Variants in ABCA6 observed in about 807,000 individuals in gnomAD.
ABCA6 encodes ATP-binding cassette sub-family A member 6.
Under a neutral mutation model 191.2 loss-of-function variants are expected in ABCA6, and 164 were observed. The observed-to-expected ratio is 0.86, with a 90% CI of 0.76 to 0.98. ABCA6 has a LOEUF of 0.98. ABCA6 is among the 50% of genes least tolerant of loss of function. ABCA6 has a pLI of 0.00. For missense variants in ABCA6, 1,958 were observed against 1,894.1 expected (o/e 1.03, Z -0.63); for synonymous variants, 636 against 647.7 (o/e 0.98, Z 0.27).
At chr17:69,111,128 T>C (rs2073414526) in intron 16 of ABCA6, 188 bp from the exon 17 acceptor site, 1 of 486,556 alleles carries the variant, frequency 2.1e-6, no homozygotes, top group Non-Finnish European at 3.5e-6. Context: ...ATGGAAAATG[T>C]ATAAGCTCAG....
In ABCA6 at chr17:69,106,066, G is replaced by A; in HGVS notation, c.2535C>T (p.Phe845=). 6.2e-7 allele frequency: 1 copy of A among 1,613,012 alleles called. No homozygotes were observed. Among genetic ancestry groups the A allele is most frequent in the Non-Finnish European group, 8.5e-7 (1 of 1,179,470 alleles). ...CTTTAGTTTGACGTTTTAACTTTAA[G>A]AAACGGAGCCGTGCCATGGCAAAGA... ...MQVFAMARLR[F]LKLKRQTKVL... The change falls in exon 19 of 39, where the codon TTC becomes TTT. Residue 845 remains phenylalanine, a synonymous_variant. Coordinates refer to ENST00000284425, the MANE Select transcript of ABCA6 (RefSeq NM_080284.3).
At chr17:69,110,571 C>T (rs984687094) in intron 17 of ABCA6, 17 of 425,936 alleles carry the variant, frequency 4.0e-5, no homozygotes, top group Middle Eastern at 6.2e-4. Context: ...AGAATTCAGA[C>T]TTCCCTGGCT....
chr17:69,130,934 C>A (rs1018420691), intron 6 of ABCA6, among the ~76,000 whole-genome samples: 1 of 152,118 alleles, frequency 6.6e-6, no homozygotes, highest in Admixed American at 6.6e-5. Context: ...GTATGCTGCA[C>A]CCTTAAATAT....
At chr17:69,113,435 A>G (rs1463866328) in intron 14 of ABCA6, 75 bp from the exon 15 acceptor site, 7 of 1,521,890 alleles carry the variant, frequency 4.6e-6, no homozygotes, top group Non-Finnish European at 6.2e-6. Context: ...ATGAAAAACA[A>G]TAAATACCAT....
chr17:69,141,681 G>A (rs936220723), intron 1 of ABCA6, 64 bp downstream of exon 1: 1 of 152,012 alleles, frequency 6.6e-6, no homozygotes, highest in Non-Finnish European at 1.5e-5. Flanking sequence ...CTGAAAAATA[G>A]ATTGATTTTA....
chr17:69,102,793 G>C, intron 21 of ABCA6, 42 bp downstream of exon 21: 1 of 1,544,162 alleles, frequency 6.5e-7, no homozygotes, highest in South Asian at 1.3e-5. Context: ...CTAAAATGTA[G>C]TACTTTTTGT....
chr17:69,084,588 G>A (rs1448047691), intron 32 of ABCA6, 81 bp from the exon 33 acceptor site: 1 of 1,233,238 alleles, frequency 8.1e-7, no homozygotes, highest in Admixed American at 1.8e-5. Flanking sequence ...AACAGCATTA[G>A]AGGGAAGTTT....
At chr17:69,083,068 G>A (rs2072681522) in intron 35 of ABCA6, 55 bp from the exon 36 acceptor site, 2 of 1,598,064 alleles carry the variant, frequency 1.3e-6, no homozygotes, top group Non-Finnish European at 8.5e-7. Flanking sequence ...ATTTTTTAAT[G>A]TTATTCTTAA....
intron 5 of ABCA6, 101 bp downstream of exon 5, chr17:69,134,538 A>T (rs1214205197): frequency 3.8e-6 from 3 of 790,986 alleles, no homozygotes; most frequent in Non-Finnish European, 6.2e-6. Flanking sequence ...ATTTTGTTGT[A>T]GCAGTACAAA....
intron 27 of ABCA6, among the ~76,000 whole-genome samples, chr17:69,088,614 T>C (rs7209351): frequency 0.81 from 123,720 of 152,086 alleles, 52,639 homozygotes; most frequent in Non-Finnish European, 0.94. Context: ...GCCCCTCTTG[T>C]TCTAAACATC....
At position 69,108,162 on chromosome 17, in the gene ABCA6, T is replaced by C. The variant is rs968801824; in HGVS notation, c.2273-350A>G. On this transcript the variant is annotated intron_variant, in intron 17 of 38. Coordinates refer to ENST00000284425, the MANE Select transcript of ABCA6 (RefSeq NM_080284.3). ...CTACCTATATTCTGGGTCTTCTCTC[T>C]GTATAAGTCTTTCAATGCTTTCTCA... 10 of 193,754 alleles carry C rather than the reference T, an allele frequency of 5.2e-5. 1 individual carries two copies. In the South Asian group the frequency reaches 1.0e-3, roughly 20 times the overall value. The allele number at this position is 193,754 out of a possible 1,614,324, so 12.0% of individuals were successfully genotyped here.
chr17:69,102,664 G>C (rs972463115), intron 21 of ABCA6, among the ~76,000 whole-genome samples, 171 bp downstream of exon 21: 4 of 151,992 alleles, frequency 2.6e-5, no homozygotes, highest in Non-Finnish European at 5.9e-5. Flanking sequence ...ACAAAACTAA[G>C]ATAGAAAATG....
chr17:69,131,999 C>T (rs1417651980), intron 6 of ABCA6, among the ~76,000 whole-genome samples: 1 of 152,102 alleles, frequency 6.6e-6, no homozygotes, highest in Non-Finnish European at 1.5e-5. Context: ...TCCCAAAGTT[C>T]CACTGCAAAA....
At position 69,085,017 on chromosome 17, in the gene ABCA6, C is replaced by T. The variant is rs537077875; in HGVS notation, c.4184+11G>A. 159 of 1,580,526 alleles carry T rather than the reference C, an allele frequency of 1.0e-4. No homozygotes were observed. The South Asian group carries it at 1.8e-3, about 18-fold the overall frequency. ...ATTCTGACACAAAGGAATCGCAGGT[C>T]CCGTCTGTACCTTGCGATGGCGAGC... On this transcript the variant is annotated intron_variant, in intron 32 of 38. Transcript: ENST00000284425.
intron 8 of ABCA6, among the ~76,000 whole-genome samples, chr17:69,125,688 C>CA (rs2073739151): frequency 6.6e-6 from 1 of 152,090 alleles, no homozygotes; most frequent in Admixed American, 6.6e-5. Flanking sequence ...CAGTTCCTTA[C>CA]CCTGCACACT....
chr17:69,082,940 T>G lies in ABCA6; in HGVS notation c.4549A>C (p.Thr1517Pro). The change falls in exon 36 of 39, where the codon ACG (threonine) becomes CCG (proline). Residue 1517 changes from threonine (T) to proline (P), a missense_variant. By Grantham distance (38) the Thr-to-Pro change is conservative. Coordinates refer to ENST00000284425, the MANE Select transcript of ABCA6 (RefSeq NM_080284.3). The part of the protein sequence containing the change: ...DYILELKVKE[T>P]SQVTLVHTEI... Reference sequence around the variant, plus strand: ...GTGTGGACCAAAGTCACTTGAGACGTTTCCTTCACTTTTAGCTCTAGAATG... The same window carrying G: ...GTGTGGACCAAAGTCACTTGAGACGGTTCCTTCACTTTTAGCTCTAGAATG... 6.2e-7 allele frequency: 1 copy of G among 1,614,236 alleles called. No individual in the cohort carries two copies. The highest frequency in any genetic ancestry group is 8.5e-7 in the Non-Finnish European group (1 of 1,180,030).
chr17:69,129,778 A>G, intron 6 of ABCA6, 27 bp from the exon 7 acceptor site: 1 of 1,521,922 alleles, frequency 6.6e-7, no homozygotes, highest in Middle Eastern at 1.8e-4. Flanking sequence ...AGTTATATAA[A>G]TTATGTTAAC....
intron 21 of ABCA6, among the ~76,000 whole-genome samples, chr17:69,101,730 T>C (rs1252369899): frequency 6.6e-6 from 1 of 152,168 alleles, no homozygotes; most frequent in Admixed American, 6.5e-5. Flanking sequence ...GCAATCTTTA[T>C]ATTTATGTAC....
intron 10 of ABCA6, among the ~76,000 whole-genome samples, chr17:69,118,749 G>A (rs1463243550): frequency 6.6e-6 from 1 of 151,936 alleles, no homozygotes; most frequent in African/African-American, 2.4e-5. Context: ...AGACACATCA[G>A]CTTGATATTC....
Sources: gnomAD v4.1 joint callset for allele counts (sites outside exome capture counted in the v4.1 genomes callset) on GRCh38, gnomAD v4.1.1 for gene constraint, MANE v1.5 for transcripts, NCBI Gene and HGNC (gene_info 2026-07-23, HGNC 2026-07-21) for gene names.